CDH13: variants seen among roughly 807,000 people sequenced by gnomAD.
The protein encoded by CDH13 is cadherin-13.
In CDH13, 24 loss-of-function variants were observed where a neutral mutation model predicts 63.8. That is an observed-to-expected ratio of 0.38 (90% CI 0.27 to 0.53). The LOEUF is 0.53. CDH13 is among the 20% of genes least tolerant of loss of function. The probability of loss-of-function intolerance (pLI) is 0.85; values close to 1 mark genes in which losing one functional copy is unlikely to be tolerated. For synonymous variants in CDH13, 503 were observed against 355.3 expected (o/e 1.42, Z -4.67); for missense variants, 1,049 against 903.1 (o/e 1.16, Z -2.07).
chr16:83,473,704 C>A (rs966511691), intron 6 of CDH13, among the ~76,000 whole-genome samples: 8 of 152,170 alleles, frequency 5.3e-5, no homozygotes, highest in African/African-American at 9.7e-5. Context: ...ATCCTACCTG[C>A]AAAATGTAAT....
intron 10 of CDH13, among the ~76,000 whole-genome samples, chr16:83,711,219 C>T (rs1437161814): frequency 6.6e-6 from 1 of 152,178 alleles, no homozygotes; most frequent in African/African-American, 2.4e-5. Flanking sequence ...GTCTGCCTAC[C>T]TCATTCTTTA....
At chr16:83,160,431 C>G (rs2037397884) in intron 4 of CDH13, among the ~76,000 whole-genome samples, 2 of 152,042 alleles carry the variant, frequency 1.3e-5, no homozygotes, top group African/African-American at 4.8e-5. Context: ...TAGAGACAGA[C>G]CTATGGCAAT....
chr16:82,790,791 A>G (rs899063270), intron 1 of CDH13, among the ~76,000 whole-genome samples: 1 of 152,150 alleles, frequency 6.6e-6, no homozygotes, highest in Non-Finnish European at 1.5e-5. Flanking sequence ...CCCTTATAAA[A>G]CCATCAGATC....
intron 2 of CDH13, among the ~76,000 whole-genome samples, chr16:83,006,358 A>T (rs1913492571): frequency 6.6e-6 from 1 of 152,198 alleles, no homozygotes; most frequent in South Asian, 2.1e-4. Context: ...GCATCTGAAA[A>T]AACGTTCAGA....
At chr16:83,334,963 G>A (rs1055630246) in intron 5 of CDH13, among the ~76,000 whole-genome samples, 3 of 152,098 alleles carry the variant, frequency 2.0e-5, no homozygotes, top group African/African-American at 7.2e-5. Flanking sequence ...GGTGTAAAAA[G>A]TAAGGGCAAT....
intron 5 of CDH13, among the ~76,000 whole-genome samples, chr16:83,280,029 G>T (rs78114523): frequency 0.024 from 3,604 of 152,288 alleles, 136 homozygotes; most frequent in African/African-American, 0.078. Flanking sequence ...AATGTTGATG[G>T]CTGCAGATTG....
intron 8 of CDH13, among the ~76,000 whole-genome samples, chr16:83,614,276 G>T (rs553369703): frequency 6.6e-6 from 1 of 152,276 alleles, no homozygotes; most frequent in African/African-American, 2.4e-5. Flanking sequence ...TTTTTCAAGG[G>T]TGGGTCTACT....
intron 2 of CDH13, among the ~76,000 whole-genome samples, chr16:82,975,304 G>A (rs1204649610): frequency 2.6e-5 from 4 of 152,166 alleles, no homozygotes; most frequent in African/African-American, 4.8e-5. Flanking sequence ...CAAAACCCGT[G>A]CGCCTTGTGA....
At chr16:83,311,812 C>G (rs931947994) in intron 5 of CDH13, among the ~76,000 whole-genome samples, 1 of 152,158 alleles carries the variant, frequency 6.6e-6, no homozygotes, top group East Asian at 1.9e-4. Flanking sequence ...CAGTGGCTCA[C>G]GCCTGTAATC....
At chr16:83,327,597 G>T (rs554363412) in intron 5 of CDH13, among the ~76,000 whole-genome samples, 8 of 152,268 alleles carry the variant, frequency 5.3e-5, no homozygotes, top group African/African-American at 1.9e-4. Context: ...CTTCTAGTAG[G>T]CATTACAGAC....
chr16:82,676,435 C>G (rs1029514739), intron 1 of CDH13, among the ~76,000 whole-genome samples: 10 of 151,638 alleles, frequency 6.6e-5, no homozygotes, highest in Non-Finnish European at 1.3e-4. Context: ...AGAATCCATC[C>G]AGTTCTCTCC....
chr16:83,116,909 G>A (rs1398984570), intron 3 of CDH13, among the ~76,000 whole-genome samples: 3 of 152,184 alleles, frequency 2.0e-5, no homozygotes, highest in Non-Finnish European at 4.4e-5. Flanking sequence ...GTTCACTGCA[G>A]GACAATGTAG....
chr16:83,624,131 C>T (rs1019182225), intron 8 of CDH13, among the ~76,000 whole-genome samples: 3 of 152,158 alleles, frequency 2.0e-5, no homozygotes, highest in African/African-American at 7.2e-5. Context: ...GCCTGTCTCT[C>T]TATGTTGGCT....
At chr16:83,232,607 T>G (rs765985968) in intron 5 of CDH13, among the ~76,000 whole-genome samples, 1 of 151,800 alleles carries the variant, frequency 6.6e-6, no homozygotes, top group East Asian at 1.9e-4. Context: ...TGCTCTTGCC[T>G]TTGCCATGTT....
chr16:82,822,703 C>A (rs988884013), intron 1 of CDH13, among the ~76,000 whole-genome samples: 27 of 152,294 alleles, frequency 1.8e-4, no homozygotes, highest in African/African-American at 6.0e-4. Context: ...CTGTGTTACC[C>A]AGGTTAGTCT....
intron 11 of CDH13, among the ~76,000 whole-genome samples, chr16:83,775,569 C>A (rs9935377): frequency 0.17 from 26,046 of 151,966 alleles, 2,345 homozygotes; most frequent in South Asian, 0.23. Context: ...AGAGGGAGTC[C>A]CATTCTAGCT....
chr16:83,719,961 ACT>A (rs1325452754), intron 10 of CDH13, among the ~76,000 whole-genome samples: 1 of 152,116 alleles, frequency 6.6e-6, no homozygotes, highest in African/African-American at 2.4e-5. Context: ...CCCTGCACAC[ACT>A]GTGAGGCCTT....
At chr16:83,736,537 T>C (rs371555661) in intron 10 of CDH13, among the ~76,000 whole-genome samples, 18 of 152,192 alleles carry the variant, frequency 1.2e-4, no homozygotes, top group African/African-American at 4.3e-4. Flanking sequence ...AAGTGTCAAA[T>C]GTCCCTTTAT....
intron 7 of CDH13, among the ~76,000 whole-genome samples, chr16:83,518,468 T>C (rs2074751303): frequency 7.5e-6 from 1 of 133,748 alleles, no homozygotes; most frequent in African/African-American, 3.0e-5. Context: ...TTTTTTTTTG[T>C]TTTTTGTTTT....
Sources: gnomAD v4.1 joint callset for allele counts (sites outside exome capture counted in the v4.1 genomes callset) on GRCh38, gnomAD v4.1.1 for gene constraint, MANE v1.5 for transcripts, NCBI Gene and HGNC (gene_info 2026-07-23, HGNC 2026-07-21) for gene names.